The following TWIST2 variants were observed in gnomAD, a reference collection of about 807,000 sequenced individuals.
TWIST2 encodes the protein twist-related protein 2.
In TWIST2, 1 loss-of-function variant was observed where a neutral mutation model predicts 11.6. The observed-to-expected ratio is 0.09, with a 90% CI of 0.03 to 0.41. The LOEUF (loss-of-function observed/expected upper bound fraction) is 0.41, where lower values mean the gene tolerates loss of function less well. Ranked by LOEUF, TWIST2 falls within the 10% of genes least tolerant of loss-of-function variation. The pLI is 0.98. For synonymous variants in TWIST2, 87 were observed against 96.6 expected (o/e 0.90, Z 0.58); for missense variants, 168 against 226.4 (o/e 0.74, Z 1.66).
intron 1 of TWIST2, among the ~76,000 whole-genome samples, chr2:238,903,408 G>GGTGTGTGTGAT: frequency 6.9e-6 from 1 of 144,964 alleles, no homozygotes; most frequent in East Asian, 2.2e-4. Context: ...TCTAATGTGA[G>GGTGTGTGTGAT]GTGTGTGTGT....
chr2:238,880,792 A>G lies in TWIST2; in HGVS notation c.*36-29050A>G, dbSNP rs944973844. Among the ~76,000 whole-genome samples, 4 of 123,360 alleles carry G rather than the reference A, an allele frequency of 3.2e-5. 2 individuals carry two copies. Among genetic ancestry groups the G allele is most frequent in the Non-Finnish European group, 6.9e-5 (4 of 58,358 alleles). The allele number at this position is 123,360 out of a possible 152,430, so 80.9% of individuals were successfully genotyped here. A position where few individuals can be genotyped will look rare whatever the true frequency, so the allele number is the denominator to read the frequency against. Reference sequence around the variant, plus strand: ...TAGTGTCAGTGTTAGTATTAGTGTTAGTGTTAGTATTTATTAGTATTAGTG... The same window carrying G: ...TAGTGTCAGTGTTAGTATTAGTGTTGGTGTTAGTATTTATTAGTATTAGTG... On this transcript the variant is annotated intron_variant, in intron 1 of 1. Transcript: ENST00000612363.
chr2:238,867,370 A>AACACACACACACACACAC lies in TWIST2; in HGVS notation c.*35+18662_*35+18679dup, dbSNP rs1229428285. On this transcript the variant is annotated intron_variant, in intron 1 of 1. Transcript: ENST00000612363. This position sits in a 1 kb window ranked among gnomAD's most constrained non-coding sequence, Gnocchi z 4.8. ...CTGGGGAGTAAAATGTCCTGCCTTC[A>AACACACACACACACACAC]ACACACACACACACACACACACACA... Among the ~76,000 whole-genome samples the AACACACACACACACACAC allele has an allele frequency of 6.6e-3, 789 of 119,694 alleles. 15 individuals are homozygous for AACACACACACACACACAC. The highest frequency in any genetic ancestry group is 0.014 in the East Asian group (55 of 3,948). 78.5% of individuals were successfully genotyped at this position (119,694 alleles called of 152,430 possible).
chr2:238,848,470 C>T lies in TWIST2; in HGVS notation c.255C>T (p.Ala85=), dbSNP rs1201340758. 6.4e-7 allele frequency: 1 copy of T among 1,569,442 alleles called. No homozygotes were observed. Among genetic ancestry groups the T allele is most frequent in the East Asian group, 2.4e-5 (1 of 42,428 alleles). The change falls in exon 1 of 2, where the codon GCC becomes GCT. Residue 85 remains alanine (A), a synonymous_variant. Transcript: ENST00000612363. Reference sequence around the variant, plus strand: ...AGCGCACCCAGTCGCTCAACGAGGCCTTCGCGGCGCTGCGCAAGATCATCC... The same window carrying T: ...AGCGCACCCAGTCGCTCAACGAGGCTTTCGCGGCGCTGCGCAAGATCATCC... ...ERQRTQSLNE[A]FAALRKIIPT... is the part of the protein sequence containing the mutation.
intron 1 of TWIST2, among the ~76,000 whole-genome samples, chr2:238,872,260 T>G (rs369570948): frequency 6.6e-6 from 1 of 152,104 alleles, no homozygotes; most frequent in Non-Finnish European, 1.5e-5. Context: ...GTGGGTGGTG[T>G]TCCAGGGTGA....
intron 1 of TWIST2, among the ~76,000 whole-genome samples, chr2:238,905,044 CTAGGTGGG>C (rs1693324947): frequency 1.2e-5 from 1 of 83,140 alleles, no homozygotes. Flanking sequence ...AGGTGGGTGG[CTAGGTGGG>C]TGGCTGGCTG....
At chr2:238,905,956 TACGTGTGCGTGTGTGTGCGCGCGC>T (rs1693345765) in intron 1 of TWIST2, among the ~76,000 whole-genome samples, 1 of 111,178 alleles carries the variant, frequency 9.0e-6, no homozygotes, top group Non-Finnish European at 2.0e-5. Flanking sequence ...CGCGCGTGTG[TACGTGTGCGTGTGTGTGCGCGCGC>T]GTGTACGTGC....
At position 238,867,193 on chromosome 2, in the gene TWIST2, C is replaced by T. The variant is rs949362158; in HGVS notation, c.*35+18460C>T. Among the ~76,000 whole-genome samples the T allele has an allele frequency of 2.6e-5, 4 of 151,904 alleles. No homozygotes were observed. The highest frequency in any genetic ancestry group is 1.9e-4 in the East Asian group (1 of 5,154). On this transcript the variant is annotated intron_variant, in intron 1 of 1. Coordinates refer to ENST00000612363, the MANE Select transcript of TWIST2 (RefSeq NM_001271893.4). The surrounding 1 kb of genome is among the most constrained non-coding windows in gnomAD (Gnocchi z 4.8). The stretch of plus-strand genomic sequence containing the variant: ...AGGCTGGCTGTAACATTGGAGGGGC[C>T]ACAACCCCCGAATTTCTTCTGCAGA...
chr2:238,848,678 T>C lies in TWIST2; in HGVS notation c.463T>C (p.Ser155Pro). The C allele has an allele frequency of 6.5e-7, 1 of 1,527,008 alleles. No individual in the cohort carries two copies. The highest frequency in any genetic ancestry group is 8.8e-7 in the Non-Finnish European group (1 of 1,140,584). The allele number at this position is 1,527,008 out of a possible 1,614,324, so 94.6% of individuals were successfully genotyped here. Residue 155 changes from serine (S) to proline (P), a missense_variant, in exon 1 of 2, where the codon TCC becomes CCC. Physicochemically the swap from Ser to Pro is moderately conservative, Grantham distance 74. Around this residue, in one of 3 missense-constraint regions of TWIST2, gnomAD observed 62 missense variants for 75.3 expected, o/e 0.82. Coordinates refer to ENST00000612363, the MANE Select transcript of TWIST2 (RefSeq NM_001271893.4). The part of the protein sequence containing the change: ...FSVWRMEGAW[S>P]MSASH ...CGTGTGGCGCATGGAGGGCGCGTGG[T>C]CCATGTCCGCCTCCCACTAGCGCCG...
intron 1 of TWIST2, among the ~76,000 whole-genome samples, chr2:238,860,360 C>T (rs775015293): frequency 4.6e-5 from 7 of 152,208 alleles, no homozygotes; most frequent in Non-Finnish European, 1.0e-4. Flanking sequence ...ACATGCTCCT[C>T]AGCCACCTGT....
Position 238,848,280 on chromosome 2 carries a change from T to C in TWIST2, c.65T>C (p.Leu22Pro). 6.5e-7 allele frequency: 1 copy of C among 1,529,840 alleles called. No homozygotes were observed. The highest frequency in any genetic ancestry group is 1.2e-5 in the South Asian group (1 of 83,846). The allele number at this position is 1,529,840 out of a possible 1,614,324, so 94.8% of individuals were successfully genotyped here. ...VDSLGTSEEE[L>P]ERQPKRFGRK... ...AGCCTGGGCACCAGCGAGGAGGAGC[T>C]CGAGAGGCAGCCCAAGCGCTTCGGC... is the stretch of plus-strand genomic sequence containing the variant. Residue 22 changes from leucine (L) to proline (P), a missense_variant, in exon 1 of 2, where the codon CTC (leucine) becomes CCC (proline). Transcript: ENST00000612363.
In TWIST2 at chr2:238,866,931, T is replaced by G. The variant is rs868680011; in HGVS notation, c.*35+18198T>G. On this transcript the variant is annotated intron_variant, in intron 1 of 1. Coordinates refer to ENST00000612363, the MANE Select transcript of TWIST2 (RefSeq NM_001271893.4). This position sits in a 1 kb window ranked among gnomAD's most constrained non-coding sequence, Gnocchi z 4.9. ...CGGATGCCCGGCTCAGCCCATGCCC[T>G]GCACAAGTGGGGGTCATGGAGGGAG... Among the ~76,000 whole-genome samples the G allele has an allele frequency of 2.6e-5, 4 of 152,188 alleles. No individual in the cohort carries two copies. The South Asian group carries it at 8.3e-4, about 32-fold the overall frequency.
chr2:238,875,899 G>A lies in TWIST2; in HGVS notation c.*35+27166G>A, dbSNP rs547610838. On this transcript the variant is annotated intron_variant, in intron 1 of 1. Coordinates refer to ENST00000612363, the MANE Select transcript of TWIST2 (RefSeq NM_001271893.4). The stretch of plus-strand genomic sequence containing the variant: ...CTTCAGAAGATTCTGATGCAATAGA[G>A]AAAAAATAAATCGGGTGAGGGAGCC... Among the ~76,000 whole-genome samples the A allele has an allele frequency of 2.0e-5, 3 of 152,358 alleles. No homozygotes were observed. In the East Asian group the frequency reaches 5.8e-4, roughly 29 times the overall value.
intron 1 of TWIST2, among the ~76,000 whole-genome samples, chr2:238,907,078 C>T (rs2106376296): frequency 6.6e-6 from 1 of 152,322 alleles, no homozygotes; most frequent in Non-Finnish European, 1.5e-5. Flanking sequence ...TGCTAGAGCT[C>T]AGGTCTCCTG....
intron 1 of TWIST2, among the ~76,000 whole-genome samples, chr2:238,908,437 ACACACACATG>A (rs1693393503): frequency 2.0e-5 from 3 of 151,252 alleles, no homozygotes; most frequent in Admixed American, 2.0e-4. Flanking sequence ...CATACCACAT[ACACACACATG>A]CACACACATA....
Position 238,848,105 on chromosome 2 carries a change from C to A in TWIST2, c.-111C>A. ...GTTTTGCACAAGCCGGCCTTGAAATCAGAGCCTTTCCAGCAACTCCGAGAG... is the reference window on the plus strand; with the variant it reads ...GTTTTGCACAAGCCGGCCTTGAAATAAGAGCCTTTCCAGCAACTCCGAGAG... On this transcript the variant is annotated 5_prime_UTR_variant, in exon 1 of 2. Transcript: ENST00000612363. 1 of 922,844 alleles carries A rather than the reference C, an allele frequency of 1.1e-6. No individual in the cohort carries two copies. Among genetic ancestry groups the A allele is most frequent in the Non-Finnish European group, 1.4e-6 (1 of 736,064 alleles). The allele number at this position is 922,844 out of a possible 1,614,324, so 57.2% of individuals were successfully genotyped here. A position where few individuals can be genotyped will look rare whatever the true frequency, so the allele number is the denominator to read the frequency against.
At chr2:238,887,085 T>C (rs1351388765) in intron 1 of TWIST2, 7 of 151,840 alleles carry the variant, frequency 4.6e-5, no homozygotes, top group Non-Finnish European at 1.0e-4. Context: ...TCATTTGAGC[T>C]CCTAAGGGTA....
rs1223532122 is a variant in TWIST2 at position 238,867,420 on chromosome 2, TA to T, written c.*35+18691del. ...ACACACACACACACACACTCCTCAGTAAAATACCCAGTTCTCACCAGGCTTT... is the reference window on the plus strand; with the variant it reads ...ACACACACACACACACACTCCTCAGTAAATACCCAGTTCTCACCAGGCTTT... On this transcript the variant is annotated intron_variant, in intron 1 of 1. Transcript: ENST00000612363. The surrounding 1 kb of genome is among the most constrained non-coding windows in gnomAD (Gnocchi z 4.8). Among the ~76,000 whole-genome samples the T allele has an allele frequency of 1.4e-5, 1 of 70,640 alleles. No individual in the cohort carries two copies. Among genetic ancestry groups the T allele is most frequent in the Non-Finnish European group, 3.5e-5 (1 of 28,720 alleles). The allele number at this position is 70,640 out of a possible 152,430, so 46.3% of individuals were successfully genotyped here. A position where few individuals can be genotyped will look rare whatever the true frequency, so the allele number is the denominator to read the frequency against.
intron 1 of TWIST2, among the ~76,000 whole-genome samples, chr2:238,903,299 T>C: frequency 7.6e-6 from 1 of 131,828 alleles, no homozygotes; most frequent in Non-Finnish European, 1.6e-5. Context: ...AGGTGTGTGA[T>C]GTGGGATGTG....
At chr2:238,880,637 T>TA (rs1314607485) in intron 1 of TWIST2, among the ~76,000 whole-genome samples, 1 of 92,614 alleles carries the variant, frequency 1.1e-5, no homozygotes, top group African/African-American at 4.3e-5. Context: ...GTGTTACTGT[T>TA]AGTCTTAGTG....
Sources: gnomAD v4.1 joint callset for allele counts (sites outside exome capture counted in the v4.1 genomes callset) on GRCh38, gnomAD v4.1.1 for gene constraint, gnomAD v4.1.1 regional missense constraint, Gnocchi (gnomAD v3.1) non-coding constraint, MANE v1.5 for transcripts, NCBI Gene and HGNC (gene_info 2026-07-23, HGNC 2026-07-21) for gene names.